The following RGS12 variants were observed in gnomAD, a reference collection of about 807,000 sequenced individuals.
The protein encoded by RGS12 is regulator of G protein signaling 12, also known as regulator of G-protein signaling 12.
A neutral mutation model predicts 120.1 loss-of-function variants in RGS12; 66 were observed. The ratio of observed to expected loss-of-function variants is 0.55; its 90% confidence interval spans 0.45 to 0.67. The LOEUF (loss-of-function observed/expected upper bound fraction) is 0.67. RGS12 is among the 30% of genes least tolerant of loss of function. The pLI, the probability that RGS12 is intolerant of heterozygous loss-of-function variation, is 0.00. For missense variants in RGS12, 1,859 were observed against 1,957.7 expected (o/e 0.95, Z 0.95); for synonymous variants, 827 against 804.7 (o/e 1.03, Z -0.47).
At chr4:3,301,083 G>A (rs1207803489) in intron 1 of RGS12, among the ~76,000 whole-genome samples, 2 of 151,946 alleles carry the variant, frequency 1.3e-5, no homozygotes, top group African/African-American at 2.4e-5. Flanking sequence ...TCTGTAACAC[G>A]GGGTCTGTCC....
chr4:3,429,254 A>G (rs748101076), intron 16 of RGS12, among the ~76,000 whole-genome samples: 1 of 152,198 alleles, frequency 6.6e-6, no homozygotes, highest in Non-Finnish European at 1.5e-5. Context: ...TGAGATGGAG[A>G]GATGAGTCCT....
intron 4 of RGS12, among the ~76,000 whole-genome samples, chr4:3,404,448 G>A (rs1310142454): frequency 1.3e-5 from 2 of 152,240 alleles, no homozygotes; most frequent in African/African-American, 2.4e-5. Flanking sequence ...TTTTAAGCTG[G>A]GCGAGTAAGT....
chr4:3,317,949 C>T lies in RGS12; in HGVS notation c.1779C>T (p.Pro593=), dbSNP rs772899479. 7 of 1,614,206 alleles carry T rather than the reference C, an allele frequency of 4.3e-6. No homozygotes were observed. The highest frequency in any genetic ancestry group is 3.3e-5 in the Admixed American group (2 of 60,036). The change falls in exon 2 of 18, where the codon CCC becomes CCT. Residue 593 remains proline (P), a synonymous_variant. Coordinates refer to ENST00000336727, the MANE Select transcript of RGS12 (RefSeq NM_001394154.1). ...GGGTGGAGGGCAGCTTCGCGCAGCC[C>T]CCGCTGAATGCCCCGAAGAGGGAGT... ...RYRVEGSFAQ[P]PLNAPKREWS...
At chr4:3,383,286 A>G (rs1355046917) in intron 3 of RGS12, among the ~76,000 whole-genome samples, 1 of 151,446 alleles carries the variant, frequency 6.6e-6, no homozygotes, top group African/African-American at 2.4e-5. Flanking sequence ...ATTTCCCTTT[A>G]CTCTTTTTGG....
chr4:3,316,195 A>G lies in RGS12; in HGVS notation c.25A>G (p.Lys9Glu). The G allele has an allele frequency of 6.3e-7, 1 of 1,580,412 alleles. No individual in the cohort carries two copies. Among genetic ancestry groups the G allele is most frequent in the Non-Finnish European group, 8.6e-7 (1 of 1,162,066 alleles). The change falls in exon 2 of 18, where the codon AAA becomes GAA. Residue 9 changes from lysine to glutamate, a missense_variant. Physicochemically the swap from Lys to Glu is moderately conservative, Grantham distance 56 (BLOSUM62 1). Coordinates refer to ENST00000336727, the MANE Select transcript of RGS12 (RefSeq NM_001394154.1). Reference protein sequence around the residue: MFRAGEASKRPLPGPSPPR... With the variant: MFRAGEASERPLPGPSPPR... ...AATGTTTAGAGCTGGGGAGGCCTCC[A>G]AACGCCCATTGCCTGGGCCGTCGCC...
intron 4 of RGS12, among the ~76,000 whole-genome samples, 194 bp downstream of exon 4, chr4:3,386,631 G>A (rs959833242): frequency 5.9e-5 from 9 of 152,106 alleles, no homozygotes; most frequent in Admixed American, 2.0e-4. Context: ...CGTGTGTTTT[G>A]GAAGCTGTTT....
At chr4:3,436,645 A>T (rs192238946) in intron 17 of RGS12, among the ~76,000 whole-genome samples, 4 of 152,242 alleles carry the variant, frequency 2.6e-5, no homozygotes, top group African/African-American at 9.6e-5. Context: ...AGCTTTGAGG[A>T]CCAGGGTGGG....
rs62274923 is a variant in RGS12 at position 3,365,109 on chromosome 4, A to G, written c.1999-21307A>G. Among the ~76,000 whole-genome samples the G allele has an allele frequency of 0.23, 35,333 of 151,984 alleles. 4,676 individuals carry two copies. Among genetic ancestry groups the G allele is most frequent in the South Asian group, 0.35 (1,680 of 4,800 alleles). On this transcript the variant is annotated intron_variant, in intron 3 of 17. Coordinates refer to ENST00000336727, the MANE Select transcript of RGS12 (RefSeq NM_001394154.1). The surrounding 1 kb of genome is among the most constrained non-coding windows in gnomAD (Gnocchi z 4.0). ...AGGTTCCCCGGGAGCTGTTGGAGCC[A>G]GGAGCCTGGGCTGGAGCCTGGGAGA...
At chr4:3,362,411 G>A (rs1715667551) in intron 3 of RGS12, among the ~76,000 whole-genome samples, 1 of 151,112 alleles carries the variant, frequency 6.6e-6, no homozygotes, top group South Asian at 2.1e-4. Context: ...ATGTGAGGGT[G>A]TATCTGTGAG....
At chr4:3,304,337 A>G (rs1472375889) in intron 1 of RGS12, among the ~76,000 whole-genome samples, 1 of 152,214 alleles carries the variant, frequency 6.6e-6, no homozygotes, top group African/African-American at 2.4e-5. Flanking sequence ...TGCTGCCTAA[A>G]CGTAGGTTAT....
chr4:3,433,257 C>T lies in RGS12; in HGVS notation c.4114+2302C>T, dbSNP rs965045608. On this transcript the variant is annotated intron_variant, in intron 17 of 17. Coordinates refer to ENST00000336727, the MANE Select transcript of RGS12 (RefSeq NM_001394154.1). The surrounding 1 kb of genome is among the most constrained non-coding windows in gnomAD (Gnocchi z 4.4). ...CACAATGTGGCAGCCGCCCTGGACC[C>T]AGCGTCCGGGGTGAGAAACACAACA... Among the ~76,000 whole-genome samples, 1 of 152,218 alleles carries T rather than the reference C, an allele frequency of 6.6e-6. No homozygotes were observed. The highest frequency in any genetic ancestry group is 1.5e-5 in the Non-Finnish European group (1 of 68,026).
intron 17 of RGS12, 63 bp from the exon 18 acceptor site, chr4:3,439,392 G>A: frequency 6.5e-7 from 1 of 1,536,258 alleles, no homozygotes; most frequent in Non-Finnish European, 9.0e-7. Flanking sequence ...CGGGGTAGGG[G>A]GTGGGTTCCG....
rs1719204690 is a variant in RGS12 at position 3,389,225 on chromosome 4, T to A, written c.2020+2788T>A. On this transcript the variant is annotated intron_variant, in intron 4 of 17. Transcript: ENST00000336727. This position sits in a 1 kb window ranked among gnomAD's most constrained non-coding sequence, Gnocchi z 5.2. ...TTTCACTTTTTCAGAAGAAAGGGGC[T>A]GATAATGGCCACCCGTTTGTAGCCA... Among the ~76,000 whole-genome samples, 1 of 152,106 alleles carries A rather than the reference T, an allele frequency of 6.6e-6. No homozygotes were observed. The highest frequency in any genetic ancestry group is 1.5e-5 in the Non-Finnish European group (1 of 68,030).
At chr4:3,376,817 A>G (rs1483469059) in intron 3 of RGS12, among the ~76,000 whole-genome samples, 2 of 151,826 alleles carry the variant, frequency 1.3e-5, no homozygotes, top group East Asian at 3.9e-4. Flanking sequence ...TCTCCTGAAC[A>G]CTCACTCTGT....
At chr4:3,423,245 G>A (rs944889203) in intron 12 of RGS12, among the ~76,000 whole-genome samples, 6 of 152,204 alleles carry the variant, frequency 3.9e-5, no homozygotes, top group African/African-American at 1.4e-4. Context: ...GAGAGGGAGG[G>A]GCAGGAGTGC....
intron 1 of RGS12, among the ~76,000 whole-genome samples, chr4:3,310,442 G>T (rs1293512333): frequency 1.3e-5 from 2 of 152,346 alleles, no homozygotes; most frequent in East Asian, 1.9e-4. Context: ...CAGTAAAATG[G>T]CCTGGAAGTG....
In RGS12 at chr4:3,439,700, C is replaced by T. The variant is rs1288611991; in HGVS notation, c.*16C>T. ...CTTCGTCTGAGCTGCCCTGGCCTGG[C>T]CAACTCTCCTGTGGACATGTCGGGG... On this transcript the variant is annotated 3_prime_UTR_variant, in exon 18 of 18. Coordinates refer to ENST00000336727, the MANE Select transcript of RGS12 (RefSeq NM_001394154.1). The T allele has an allele frequency of 2.0e-6, 3 of 1,484,868 alleles. No homozygotes were observed. The highest frequency in any genetic ancestry group is 2.7e-6 in the Non-Finnish European group (3 of 1,115,354). 92.0% of individuals were successfully genotyped at this position (1,484,868 alleles called of 1,614,324 possible). A position where few individuals can be genotyped will look rare whatever the true frequency, so the allele number is the denominator to read the frequency against.
At chr4:3,414,886 G>T (rs372475549) in intron 6 of RGS12, 42 bp downstream of exon 6, 2 of 1,433,726 alleles carry the variant, frequency 1.4e-6, no homozygotes, top group Non-Finnish European at 2.0e-6. Context: ...TGAGAGTGGC[G>T]TGTGAGAGAG....
intron 3 of RGS12, among the ~76,000 whole-genome samples, chr4:3,380,213 C>T (rs1718117876): frequency 2.6e-5 from 4 of 152,248 alleles, no homozygotes; most frequent in African/African-American, 9.6e-5. Context: ...TCTCCTTTGA[C>T]TCCCATGTCC....
Sources: gnomAD v4.1 joint callset for allele counts (sites outside exome capture counted in the v4.1 genomes callset) on GRCh38, gnomAD v4.1.1 for gene constraint, Gnocchi (gnomAD v3.1) non-coding constraint, MANE v1.5 for transcripts, NCBI Gene and HGNC (gene_info 2026-07-23, HGNC 2026-07-21) for gene names.